Variants in SCHIP1 observed in about 807,000 individuals in gnomAD.
The protein encoded by SCHIP1 is schwannomin-interacting protein 1.
In SCHIP1, 8 loss-of-function variants were observed where a neutral mutation model predicts 29.7. That is an observed-to-expected ratio of 0.27 (90% confidence interval 0.16 to 0.49). The LOEUF is 0.49. SCHIP1 is among the 20% of genes least tolerant of loss of function. SCHIP1 has a pLI of 0.99. For synonymous variants in SCHIP1, 76 were observed against 94.9 expected (o/e 0.80, Z 1.16); for missense variants, 193 against 294.6 (o/e 0.66, Z 2.52).
the SCHIP1 span, among the ~76,000 whole-genome samples, chr3:159,281,364 A>G: frequency 6.6e-6 from 1 of 152,210 alleles, no homozygotes; most frequent in Non-Finnish European, 1.5e-5. Context: ...CTTTATTTGG[A>G]CAAGAATTAT....
the SCHIP1 span, among the ~76,000 whole-genome samples, chr3:159,712,550 C>G: frequency 3.3e-5 from 5 of 150,284 alleles, no homozygotes; most frequent in Non-Finnish European, 7.4e-5. Context: ...GACCCTGTCA[C>G]TACAAAAAAA....
chr3:159,318,639 C>T, the SCHIP1 span, among the ~76,000 whole-genome samples: 1 of 152,148 alleles, frequency 6.6e-6, no homozygotes, highest in Admixed American at 6.5e-5. Context: ...CCCCTGAGGC[C>T]ATCAGTGCAG....
upstream of SCHIP1, chr3:159,839,823 T>C (rs1370248387): frequency 1.5e-5 from 18 of 1,198,924 alleles, 1 homozygote; most frequent in African/African-American, 7.9e-5. Flanking sequence ...ACTGCCTTCA[T>C]AAAGCACCAG....
chr3:159,757,813 G>A, the SCHIP1 span, among the ~76,000 whole-genome samples: 2,023 of 152,230 alleles, frequency 0.013, 29 homozygotes, highest in African/African-American at 0.032. Flanking sequence ...CTACCTCCAT[G>A]CCTCCTGCTG....
At chr3:159,807,963 C>G in the SCHIP1 span, among the ~76,000 whole-genome samples, 1 of 152,112 alleles carries the variant, frequency 6.6e-6, no homozygotes, top group Non-Finnish European at 1.5e-5. Context: ...ATTTTTAAAT[C>G]CAGATGTTTC....
chr3:159,496,275 G>C, the SCHIP1 span, among the ~76,000 whole-genome samples: 1 of 152,154 alleles, frequency 6.6e-6, no homozygotes, highest in Non-Finnish European at 1.5e-5. Flanking sequence ...AAACTAAAGA[G>C]CTTCTGCACA....
chr3:159,888,194 T>C (rs1717145141), intron 4 of SCHIP1: 4 of 429,818 alleles, frequency 9.3e-6, no homozygotes, highest in Non-Finnish European at 1.7e-5. Flanking sequence ...TTTGAAGCGA[T>C]CTCAATCTAA....
chr3:159,437,824 C>T, the SCHIP1 span, among the ~76,000 whole-genome samples: 1 of 152,080 alleles, frequency 6.6e-6, no homozygotes, highest in African/African-American at 2.4e-5. Flanking sequence ...CATATTTAAT[C>T]ATGGAATCTT....
At chr3:159,837,355 C>T (rs1046628986), upstream of SCHIP1, among the ~76,000 whole-genome samples, 1 of 152,128 alleles carries the variant, frequency 6.6e-6, no homozygotes, top group Non-Finnish European at 1.5e-5. Flanking sequence ...AACAGATTTC[C>T]ACTTCATCTT....
intron 3 of SCHIP1, chr3:159,887,478 A>G: frequency 2.0e-6 from 1 of 488,212 alleles, no homozygotes; most frequent in Non-Finnish European, 3.6e-6. Flanking sequence ...GTTGTTGTAA[A>G]TATATTTCCC....
chr3:159,500,200 G>A, the SCHIP1 span, among the ~76,000 whole-genome samples: 1 of 151,542 alleles, frequency 6.6e-6, no homozygotes, highest in African/African-American at 2.4e-5. Context: ...GCGTATACAC[G>A]AAATGTCACT....
the SCHIP1 span, among the ~76,000 whole-genome samples, chr3:159,351,850 G>A: frequency 6.6e-6 from 1 of 152,118 alleles, no homozygotes; most frequent in African/African-American, 2.4e-5. Context: ...AGGGAGAGGT[G>A]ACAGGTCACA....
the SCHIP1 span, among the ~76,000 whole-genome samples, chr3:159,443,595 GC>G: frequency 2.6e-5 from 4 of 152,106 alleles, no homozygotes; most frequent in African/African-American, 9.6e-5. Context: ...TGCAACCTCT[GC>G]CTCCGGGGTT....
the SCHIP1 span, among the ~76,000 whole-genome samples, chr3:159,314,584 G>C: frequency 6.6e-6 from 1 of 152,184 alleles, no homozygotes; most frequent in Non-Finnish European, 1.5e-5. Flanking sequence ...ACATAGGTAT[G>C]TCTGGATATA....
chr3:159,309,029 G>T, the SCHIP1 span: 4 of 151,966 alleles, frequency 2.6e-5, no homozygotes, highest in Non-Finnish European at 5.9e-5. Flanking sequence ...TGGCAGGGGG[G>T]TGGGTTCGAA....
chr3:159,364,116 T>A, the SCHIP1 span, among the ~76,000 whole-genome samples: 1 of 152,220 alleles, frequency 6.6e-6, no homozygotes, highest in African/African-American at 2.4e-5. Context: ...AAGAACATTT[T>A]TACTGTTTTT....
At chr3:159,878,047 A>G (rs1376509867) in intron 2 of SCHIP1, among the ~76,000 whole-genome samples, 2 of 152,274 alleles carry the variant, frequency 1.3e-5, no homozygotes, top group African/African-American at 4.8e-5. Context: ...GCCAAAAACA[A>G]AAGTCCCTGC....
chr3:159,722,836 T>A, the SCHIP1 span, among the ~76,000 whole-genome samples: 1 of 152,220 alleles, frequency 6.6e-6, no homozygotes, highest in Non-Finnish European at 1.5e-5. Flanking sequence ...AACCCTCTGT[T>A]TCTGAGTCCA....
At chr3:159,581,153 T>C in the SCHIP1 span, among the ~76,000 whole-genome samples, 2 of 152,286 alleles carry the variant, frequency 1.3e-5, no homozygotes, top group East Asian at 3.9e-4. Context: ...GAAATAGACA[T>C]GTTATCCCTA....
Sources: gnomAD v4.1 joint callset for allele counts (sites outside exome capture counted in the v4.1 genomes callset) on GRCh38, gnomAD v4.1.1 for gene constraint, MANE v1.5 for transcripts, NCBI Gene and HGNC (gene_info 2026-07-23, HGNC 2026-07-21) for gene names.